HABP2: variants seen among roughly 807,000 people sequenced by gnomAD.
HABP2 encodes factor VII-activating protease.
HABP2 carries 65 observed loss-of-function variants against 66.5 expected under a neutral mutation model. The observed-to-expected ratio is 0.98, with a 90% CI of 0.80 to 1.20. The LOEUF (loss-of-function observed/expected upper bound fraction) is 1.20, where lower values mean the gene tolerates loss of function less well. HABP2 is among the 50% of genes most tolerant of loss of function. HABP2 has a pLI of 0.00. For missense variants in HABP2, 786 were observed against 691.0 expected (o/e 1.14, Z -1.54); for synonymous variants, 263 against 253.9 (o/e 1.04, Z -0.34).
chr10:113,582,466 TGTG>T lies in HABP2; in HGVS notation c.1094+337_1094+339del, dbSNP rs11575772. Among the ~76,000 whole-genome samples, 493 of 152,306 alleles carry T rather than the reference TGTG, an allele frequency of 3.2e-3. 4 individuals carry two copies. Among genetic ancestry groups the T allele is most frequent in the Non-Finnish European group, 3.7e-3 (251 of 68,018 alleles). On this transcript the variant is annotated intron_variant, in intron 9 of 12. Coordinates refer to ENST00000351270, the MANE Select transcript of HABP2 (RefSeq NM_004132.5). ...ACATAGCAAGTGCTGAGTAAATATT[TGTG>T]GAGGAAAAGAGTTTATTGTTATTCC...
intron 12 of HABP2, among the ~76,000 whole-genome samples, chr10:113,587,863 C>T (rs1382548457): frequency 2.0e-5 from 3 of 152,086 alleles, no homozygotes; most frequent in African/African-American, 7.2e-5. Context: ...ACCTAGGCCA[C>T]GCTGCCTTGG....
chr10:113,583,475 C>A, intron 10 of HABP2, 117 bp downstream of exon 10: 3 of 849,892 alleles, frequency 3.5e-6, no homozygotes, highest in South Asian at 1.5e-5. Context: ...TCCCTGTGGA[C>A]CCTGTGCGGT....
At chr10:113,586,462 G>A (rs900199309) in intron 12 of HABP2, among the ~76,000 whole-genome samples, 4 of 79,466 alleles carry the variant, frequency 5.0e-5, no homozygotes, top group South Asian at 1.1e-3. Context: ...TCATGTGTGC[G>A]TGTGTGTGTG....
At chr10:113,578,390 G>A (rs551142296) in intron 6 of HABP2, among the ~76,000 whole-genome samples, 2 of 152,318 alleles carry the variant, frequency 1.3e-5, no homozygotes, top group East Asian at 3.9e-4. Context: ...ATCAGTTCTT[G>A]TGTGAGCCAG....
chr10:113,552,868 C>T (rs774393462), upstream of HABP2, among the ~76,000 whole-genome samples: 6 of 152,204 alleles, frequency 3.9e-5, no homozygotes, highest in Non-Finnish European at 8.8e-5. Context: ...ATGTCAGCTA[C>T]TTTCTTTGGA....
In HABP2 at chr10:113,582,040, C is replaced by A; in HGVS notation, c.1003C>A (p.Leu335Met). 1 of 1,613,972 alleles carries A rather than the reference C, an allele frequency of 6.2e-7. No individual in the cohort carries two copies. The highest frequency in any genetic ancestry group is 8.5e-7 in the Non-Finnish European group (1 of 1,180,008). ...ATGGCAGGCGTCCCTCCAGTCCTCGCTGCCTCTGACCATCTCCATGCCCCA... is the reference window on the plus strand; with the variant it reads ...ATGGCAGGCGTCCCTCCAGTCCTCGATGCCTCTGACCATCTCCATGCCCCA... Reference protein sequence around the residue: ...HPWQASLQSSLPLTISMPQGH... With the variant: ...HPWQASLQSSMPLTISMPQGH... The change falls in exon 9 of 13, where the codon CTG (leucine) becomes ATG (methionine). Residue 335 changes from leucine to methionine, a missense_variant. Physicochemically the swap from Leu to Met is conservative, Grantham distance 15 (BLOSUM62 2). Coordinates refer to ENST00000351270, the MANE Select transcript of HABP2 (RefSeq NM_004132.5).
intron 1 of HABP2, among the ~76,000 whole-genome samples, chr10:113,556,418 T>C (rs925430328): frequency 1.3e-5 from 2 of 152,150 alleles, no homozygotes; most frequent in Non-Finnish European, 2.9e-5. Flanking sequence ...GCTGCTGTTA[T>C]TAGATGAAGT....
chr10:113,589,092 A>AACAT lies in HABP2; in HGVS notation c.*726_*729dup, dbSNP rs1845767110. ...CTTCTGCCCCCCGCTGCTGAAATCA[A>AACAT]ACATACCCCAAGTTAAAATGAAGCT... is the stretch of plus-strand genomic sequence containing the variant. On this transcript the variant is annotated 3_prime_UTR_variant, in exon 13 of 13. Transcript: ENST00000351270. 1.9e-6 allele frequency: 3 copies of AACAT among 1,610,006 alleles called. No individual in the cohort carries two copies. Among genetic ancestry groups the AACAT allele is most frequent in the Non-Finnish European group, 2.5e-6 (3 of 1,176,790 alleles).
At chr10:113,585,632 G>A (rs950401771) in intron 11 of HABP2, among the ~76,000 whole-genome samples, 161 bp from the exon 12 acceptor site, 5 of 152,222 alleles carry the variant, frequency 3.3e-5, no homozygotes, top group African/African-American at 1.2e-4. Flanking sequence ...CACTGGCATG[G>A]TGAAGGCTAA....
chr10:113,558,406 C>G (rs1383424726), intron 1 of HABP2, among the ~76,000 whole-genome samples: 1 of 152,250 alleles, frequency 6.6e-6, no homozygotes. Flanking sequence ...TGAATTCTAG[C>G]TGGCTGCTGT....
intron 1 of HABP2, among the ~76,000 whole-genome samples, chr10:113,554,736 G>A (rs1160454612): frequency 6.6e-6 from 1 of 152,192 alleles, no homozygotes; most frequent in African/African-American, 2.4e-5. Flanking sequence ...ACGTTGACAC[G>A]GTATGTTTGA....
chr10:113,582,177 G>A (rs768070025), intron 9 of HABP2, 46 bp downstream of exon 9: 1 of 1,563,618 alleles, frequency 6.4e-7, no homozygotes, highest in Non-Finnish European at 8.6e-7. Context: ...GAGTGGCTGG[G>A]GGTGCTCTCC....
intron 2 of HABP2, chr10:113,570,263 T>A (rs1774372515): frequency 6.6e-6 from 1 of 152,252 alleles, no homozygotes; most frequent in South Asian, 2.1e-4. Context: ...GAAGTAAGAT[T>A]GTGGGCAACC....
intron 6 of HABP2, 105 bp downstream of exon 6, chr10:113,578,250 G>T (rs113801070): frequency 8.0e-7 from 1 of 1,243,730 alleles, no homozygotes. Context: ...TCCCAAACTC[G>T]ACTATTGCCT....
chr10:113,553,115 T>A lies in HABP2; in HGVS notation c.-7T>A, dbSNP rs1306682958. The A allele has an allele frequency of 6.2e-7, 1 of 1,611,802 alleles. No homozygotes were observed. Among genetic ancestry groups the A allele is most frequent in the Non-Finnish European group, 8.5e-7 (1 of 1,177,964 alleles). The stretch of plus-strand genomic sequence containing the variant: ...GAGAGGAAAACACAAGTCCTTAAAC[T>A]GCAAAGATGTTTGCCAGGATGTCTG... On this transcript the variant is annotated 5_prime_UTR_variant, in exon 1 of 13. Coordinates refer to ENST00000351270, the MANE Select transcript of HABP2 (RefSeq NM_004132.5).
Position 113,589,075 on chromosome 10 carries a change from C to T in HABP2, c.*706C>T. On this transcript the variant is annotated 3_prime_UTR_variant, in exon 13 of 13. Transcript: ENST00000351270. ...ATCTCCAGCCTCCACTGCTTCTGCC[C>T]CCCGCTGCTGAAATCAAACATACCC... The T allele has an allele frequency of 6.2e-7, 1 of 1,613,594 alleles. No homozygotes were observed. Among genetic ancestry groups the T allele is most frequent in the Non-Finnish European group, 8.5e-7 (1 of 1,179,752 alleles).
intron 11 of HABP2, 42 bp from the exon 12 acceptor site, chr10:113,585,751 G>C: frequency 6.4e-7 from 1 of 1,560,716 alleles, no homozygotes; most frequent in Non-Finnish European, 8.8e-7. Flanking sequence ...TGCCACCCTG[G>C]TCCCCACAGT....
At chr10:113,578,441 T>A (rs1166329892) in intron 6 of HABP2, among the ~76,000 whole-genome samples, 186 bp from the exon 7 acceptor site, 1 of 152,188 alleles carries the variant, frequency 6.6e-6, no homozygotes, top group Non-Finnish European at 1.5e-5. Context: ...ACCACTATAT[T>A]TCATGTTTTA....
At chr10:113,573,483 G>A (rs919030436) in intron 2 of HABP2, among the ~76,000 whole-genome samples, 2 of 152,218 alleles carry the variant, frequency 1.3e-5, no homozygotes, top group Non-Finnish European at 2.9e-5. Context: ...GACCCCAGTT[G>A]AAACAGTTGA....
Sources: gnomAD v4.1 joint callset for allele counts (sites outside exome capture counted in the v4.1 genomes callset) on GRCh38, gnomAD v4.1.1 for gene constraint, MANE v1.5 for transcripts, NCBI Gene and HGNC (gene_info 2026-07-23, HGNC 2026-07-21) for gene names.